The following PACS2 variants were observed in gnomAD, a reference collection of about 807,000 sequenced individuals.
The protein encoded by PACS2 is PACS1-like protein.
A neutral mutation model predicts 113.0 loss-of-function variants in PACS2; 36 were observed. That is an observed-to-expected ratio of 0.32 (90% CI 0.24 to 0.42). The LOEUF (loss-of-function observed/expected upper bound fraction) is 0.42, where lower values mean the gene tolerates loss of function less well. Ranked by LOEUF, PACS2 falls within the 10% of genes least tolerant of loss-of-function variation. The pLI is 1.00. For synonymous variants in PACS2, 589 were observed against 536.1 expected (o/e 1.10, Z -1.36); for missense variants, 1,015 against 1,239.5 (o/e 0.82, Z 2.72).
At chr14:105,304,855 T>A (rs1436686124) in intron 1 of PACS2, among the ~76,000 whole-genome samples, 1 of 152,226 alleles carries the variant, frequency 6.6e-6, no homozygotes, top group Non-Finnish European at 1.5e-5. Flanking sequence ...GTGAGACTTA[T>A]TCGCAATCAC....
At chr14:105,345,560 T>C (rs782794885) in intron 1 of PACS2, among the ~76,000 whole-genome samples, 2 of 152,238 alleles carry the variant, frequency 1.3e-5, no homozygotes, top group African/African-American at 4.8e-5. Flanking sequence ...CCATTCAGAG[T>C]GTTCTCTGAT....
chr14:105,338,121 G>A (rs1050322897), intron 1 of PACS2, among the ~76,000 whole-genome samples: 3 of 152,234 alleles, frequency 2.0e-5, no homozygotes, highest in Non-Finnish European at 2.9e-5. Flanking sequence ...GCGCTGGCCC[G>A]GTTTCCTGGA....
intron 1 of PACS2, among the ~76,000 whole-genome samples, chr14:105,337,877 G>T (rs1053362991): frequency 1.3e-5 from 2 of 152,234 alleles, no homozygotes; most frequent in African/African-American, 4.8e-5. Flanking sequence ...GCTCCGTTGG[G>T]ACATAGGGAC....
intron 4 of PACS2, among the ~76,000 whole-genome samples, chr14:105,360,369 G>T (rs375548070): frequency 6.6e-6 from 1 of 151,792 alleles, no homozygotes; most frequent in African/African-American, 2.4e-5. Context: ...GTGAAATGTC[G>T]TCTCTACTAA....
Position 105,321,109 on chromosome 14 carries a change from C to T in PACS2, c.119+6072C>T, listed in dbSNP as rs901897406. Among the ~76,000 whole-genome samples, 6 of 152,222 alleles carry T rather than the reference C, an allele frequency of 3.9e-5. No homozygotes were observed. The East Asian group carries it at 5.8e-4, about 15-fold the overall frequency. ...CGGAGGTTGCAGTGAGCCCAGATGG[C>T]GCCACTGCAAAAACATTTTTTTTTG... On this transcript the variant is annotated intron_variant, in intron 1 of 24. Coordinates refer to ENST00000447393, the MANE Select transcript of PACS2 (RefSeq NM_001100913.3).
rs1455297417 is a variant in PACS2 at position 105,380,086 on chromosome 14, G to A, written c.1057G>A (p.Val353Met). The A allele has an allele frequency of 8.4e-6, 13 of 1,552,494 alleles. No individual in the cohort carries two copies. The highest frequency in any genetic ancestry group is 4.1e-5 in the African/African-American group (3 of 73,148). ...SHKEPPSPADVPEKTRSLGGR... is the reference protein window; with the variant it reads ...SHKEPPSPADMPEKTRSLGGR... ...CCCATCTCCTCCCCCACAGGCTGAC[G>A]TGCCCGAGAAGACGCGGTCCCTGGG... Residue 353 changes from valine to methionine, a missense_variant, in exon 11 of 25, where the codon GTG becomes ATG. Coordinates refer to ENST00000447393, the MANE Select transcript of PACS2 (RefSeq NM_001100913.3).
intron 1 of PACS2, among the ~76,000 whole-genome samples, chr14:105,342,215 G>T (rs1555401724): frequency 2.0e-5 from 3 of 151,470 alleles, no homozygotes; most frequent in Non-Finnish European, 2.9e-5. Context: ...TCCACAGCAG[G>T]ATCCAAGCTG....
In PACS2 at chr14:105,309,199, T is replaced by C. The variant is rs1317607712; in HGVS notation, c.-83+8220T>C. 6.6e-6 allele frequency among the ~76,000 whole-genome samples: 1 copy of C among 152,168 alleles called. No individual in the cohort carries two copies. The highest frequency in any genetic ancestry group is 1.9e-4 in the East Asian group (1 of 5,192). ...CTGGCTTATTGTGATGATATTCTAT[T>C]GTGGGAAAGAAAGAAGTGTTAAAAT... On this transcript the variant is annotated intron_variant, in intron 1 of 23. Coordinates refer to the PACS2 transcript ENST00000430725. This position sits in a 1 kb window ranked among gnomAD's most constrained non-coding sequence, Gnocchi z 4.0.
chr14:105,382,686 G>C, intron 14 of PACS2, 105 bp downstream of exon 14: 1 of 951,354 alleles, frequency 1.1e-6, no homozygotes, highest in Non-Finnish European at 1.7e-6. Flanking sequence ...GGAGCTGCTG[G>C]CTGTGGTTTG....
chr14:105,392,676 G>A lies in PACS2; in HGVS notation c.2313G>A (p.Gln771=), dbSNP rs150343495. ...AGGTGGACTACTGGACGGCAGCACA[G>A]CCTGCGGACAGGAAGAGGGACGCCG... The part of the protein sequence containing the change: ...GLQVDYWTAA[Q]PADRKRDAEK... Residue 771 remains glutamine (Q), a synonymous_variant, in exon 23 of 25, where the codon CAG becomes CAA. Transcript: ENST00000447393. The A allele has an allele frequency of 3.9e-4, 632 of 1,612,574 alleles. 4 individuals are homozygous for A. The highest frequency in any genetic ancestry group is 3.1e-3 in the Middle Eastern group (19 of 6,062).
At chr14:105,362,886 T>C (rs1819260062) in intron 4 of PACS2, among the ~76,000 whole-genome samples, 1 of 152,186 alleles carries the variant, frequency 6.6e-6, no homozygotes, top group African/African-American at 2.4e-5. Flanking sequence ...AAATGACTCC[T>C]TGATGCATGG....
rs2060479712 is a variant in PACS2 at position 105,357,032 on chromosome 14, T to A, written c.423+1855T>A. ...CTGTGTAGCCATGCAGGTGATGTCC[T>A]GCTGATCCCTGCCGGTCCCTGTGAG... On this transcript the variant is annotated intron_variant, in intron 4 of 24. Transcript: ENST00000447393. This position sits in a 1 kb window ranked among gnomAD's most constrained non-coding sequence, Gnocchi z 5.1. Among the ~76,000 whole-genome samples the A allele has an allele frequency of 6.6e-6, 1 of 152,188 alleles. No homozygotes were observed. Among genetic ancestry groups the A allele is most frequent in the Non-Finnish European group, 1.5e-5 (1 of 68,026 alleles).
chr14:105,325,859 C>T (rs913995983), intron 1 of PACS2, among the ~76,000 whole-genome samples: 4 of 152,382 alleles, frequency 2.6e-5, no homozygotes, highest in South Asian at 2.1e-4. Context: ...TGCTGTCCTG[C>T]GAGCTTGGCC....
intron 13 of PACS2, 97 bp downstream of exon 13, chr14:105,382,155 G>A: frequency 1.5e-6 from 2 of 1,316,734 alleles, no homozygotes; most frequent in East Asian, 2.5e-5. Context: ...GGGGGCCAAG[G>A]GTGCTGGGCC....
rs1227708197 is a variant in PACS2 at position 105,308,481 on chromosome 14, C to CTT, written c.-83+7520_-83+7521dup. 2.2e-3 allele frequency among the ~76,000 whole-genome samples: 268 copies of CTT among 124,572 alleles called. 7 individuals are homozygous for CTT. Among genetic ancestry groups the CTT allele is most frequent in the African/African-American group, 8.1e-3 (251 of 30,988 alleles). The allele number at this position is 124,572 out of a possible 152,430, so 81.7% of individuals were successfully genotyped here. A position where few individuals can be genotyped will look rare whatever the true frequency, so the allele number is the denominator to read the frequency against. ...TGGGCACGACAGAGGCAGATTCTGT[C>CTT]TTTTTTTTTTTTTTTTTTTGAGATG... On this transcript the variant is annotated intron_variant, in intron 1 of 23. Coordinates refer to the PACS2 transcript ENST00000430725.
chr14:105,314,257 A>T (rs1438146263), upstream of PACS2, among the ~76,000 whole-genome samples: 1 of 151,266 alleles, frequency 6.6e-6, no homozygotes, highest in Non-Finnish European at 1.5e-5. Flanking sequence ...GGCAGGAGAC[A>T]AGGGGCGGCG....
chr14:105,302,898 T>C (rs1362629985), intron 1 of PACS2, among the ~76,000 whole-genome samples: 1 of 152,080 alleles, frequency 6.6e-6, no homozygotes, highest in Non-Finnish European at 1.5e-5. Flanking sequence ...CCCAAAGTGC[T>C]GGGATTACAG....
chr14:105,306,671 T>G (rs1213479441), intron 1 of PACS2, among the ~76,000 whole-genome samples: 1 of 151,888 alleles, frequency 6.6e-6, no homozygotes, highest in Non-Finnish European at 1.5e-5. Context: ...AATGGCACGA[T>G]CTTGATGTAC....
At chr14:105,375,755 C>T (rs1365666962) in intron 8 of PACS2, among the ~76,000 whole-genome samples, 2 of 152,192 alleles carry the variant, frequency 1.3e-5, no homozygotes, top group African/African-American at 4.8e-5. Context: ...ACACCCAGCA[C>T]CCCTGTTCTT....
Sources: gnomAD v4.1 joint callset for allele counts (sites outside exome capture counted in the v4.1 genomes callset) on GRCh38, gnomAD v4.1.1 for gene constraint, Gnocchi (gnomAD v3.1) non-coding constraint, MANE v1.5 for transcripts, NCBI Gene and HGNC (gene_info 2026-07-23, HGNC 2026-07-21) for gene names.